Variants in NRG3 observed in about 807,000 individuals in gnomAD.
NRG3 encodes the protein neuregulin 3, also known as pro-neuregulin-3, membrane-bound isoform.
A neutral mutation model predicts 66.9 loss-of-function variants in NRG3; 31 were observed. That is an observed-to-expected ratio of 0.46 (90% CI 0.35 to 0.63). NRG3 has a LOEUF of 0.63. NRG3 is among the 20% of genes least tolerant of loss of function. NRG3 has a pLI of 0.00. For synonymous variants in NRG3, 393 were observed against 359.4 expected, an observed-to-expected ratio of 1.09 and a Z score of -1.06; for missense variants, 910 against 878.9, an observed-to-expected ratio of 1.04 and a Z score of -0.45.
intron 2 of NRG3, among the ~76,000 whole-genome samples, chr10:82,501,160 A>G (rs903768283): frequency 2.0e-5 from 3 of 152,102 alleles, no homozygotes; most frequent in African/African-American, 7.2e-5. Flanking sequence ...TTTGGAAGAG[A>G]TCAGGACATT....
intron 3 of NRG3, among the ~76,000 whole-genome samples, chr10:82,778,015 T>A (rs1037487688): frequency 2.0e-5 from 3 of 151,854 alleles, no homozygotes; most frequent in African/African-American, 7.2e-5. Flanking sequence ...GTAACCCAGC[T>A]CAGCCAAGGC....
At chr10:81,911,483 C>T (rs1416969999) in intron 1 of NRG3, among the ~76,000 whole-genome samples, 1 of 151,930 alleles carries the variant, frequency 6.6e-6, no homozygotes, top group Non-Finnish European at 1.5e-5. Flanking sequence ...GAAATGCCCT[C>T]TCGACAGTGT....
At chr10:82,696,375 C>T (rs1192621894) in intron 2 of NRG3, among the ~76,000 whole-genome samples, 7 of 151,824 alleles carry the variant, frequency 4.6e-5, no homozygotes, top group Non-Finnish European at 1.5e-5. Flanking sequence ...GGCATTCTGA[C>T]CTTGTAGTTT....
At chr10:82,709,008 G>C (rs2134370605) in intron 2 of NRG3, among the ~76,000 whole-genome samples, 1 of 152,144 alleles carries the variant, frequency 6.6e-6, no homozygotes, top group Non-Finnish European at 1.5e-5. Flanking sequence ...ATTCTGGGGA[G>C]GGCAGATCCC....
At chr10:82,509,057 A>G (rs1554947975) in intron 2 of NRG3, among the ~76,000 whole-genome samples, 2 of 152,136 alleles carry the variant, frequency 1.3e-5, no homozygotes, top group Non-Finnish European at 2.9e-5. Context: ...AATTACTATC[A>G]CAGAGTTTTC....
At chr10:82,978,500 A>G (rs1852517471) in intron 7 of NRG3, among the ~76,000 whole-genome samples, 1 of 152,240 alleles carries the variant, frequency 6.6e-6, no homozygotes, top group Admixed American at 6.5e-5. Flanking sequence ...TATCGCTAAT[A>G]AGTGAATTTT....
intron 1 of NRG3, among the ~76,000 whole-genome samples, chr10:81,915,438 A>T (rs546821057): frequency 9.4e-5 from 14 of 148,548 alleles, no homozygotes; most frequent in South Asian, 2.2e-4. Context: ...TTGGGCAATT[A>T]GGACCTTATT....
intron 2 of NRG3, among the ~76,000 whole-genome samples, chr10:82,588,910 G>A (rs2046830846): frequency 6.6e-6 from 1 of 152,196 alleles, no homozygotes; most frequent in Admixed American, 6.5e-5. Flanking sequence ...TTCCCGCAGA[G>A]TTGGCCCAGT....
At chr10:82,066,362 A>T (rs1031350601) in intron 1 of NRG3, among the ~76,000 whole-genome samples, 2 of 151,928 alleles carry the variant, frequency 1.3e-5, no homozygotes, top group African/African-American at 2.4e-5. Flanking sequence ...ATGTGCATAT[A>T]TTTTGTGTAA....
chr10:82,974,636 C>T (rs557512390), intron 7 of NRG3, among the ~76,000 whole-genome samples: 5 of 152,080 alleles, frequency 3.3e-5, no homozygotes, highest in East Asian at 1.9e-4. Flanking sequence ...GGAAGTTGTC[C>T]GAAGACTTAA....
intron 1 of NRG3, among the ~76,000 whole-genome samples, chr10:82,353,216 G>C (rs1416250026): frequency 6.6e-6 from 1 of 152,082 alleles, no homozygotes; most frequent in Non-Finnish European, 1.5e-5. Flanking sequence ...GCTGCTTTTG[G>C]GATGTCCATC....
intron 1 of NRG3, among the ~76,000 whole-genome samples, chr10:82,128,735 T>C (rs2068618966): frequency 8.6e-6 from 1 of 116,220 alleles, no homozygotes; most frequent in Admixed American, 8.2e-5. Context: ...TTTTAAAAGC[T>C]TGTTTAAATT....
chr10:82,633,633 T>C (rs1159849644), intron 2 of NRG3, among the ~76,000 whole-genome samples: 2 of 152,048 alleles, frequency 1.3e-5, no homozygotes, highest in African/African-American at 2.4e-5. Flanking sequence ...GCATCAGGAG[T>C]GTGTCAGCAG....
chr10:82,874,355 T>G (rs1358575616), intron 4 of NRG3, among the ~76,000 whole-genome samples: 1 of 152,050 alleles, frequency 6.6e-6, no homozygotes, highest in African/African-American at 2.4e-5. Flanking sequence ...CATATTTCTG[T>G]TCTAGTTTGT....
intron 1 of NRG3, among the ~76,000 whole-genome samples, chr10:82,010,438 A>C (rs1419415244): frequency 8.5e-5 from 13 of 152,176 alleles, no homozygotes; most frequent in Admixed American, 8.5e-4. Flanking sequence ...CAGATTGTTA[A>C]GACTTTCTTT....
At chr10:82,814,466 G>T (rs77939783) in intron 3 of NRG3, among the ~76,000 whole-genome samples, 1,985 of 152,202 alleles carry the variant, frequency 0.013, 39 homozygotes, top group African/African-American at 0.042. Context: ...GCTTCTCCCC[G>T]AAGACTACCA....
chr10:82,616,527 A>G (rs368984779), intron 2 of NRG3, among the ~76,000 whole-genome samples: 1 of 152,292 alleles, frequency 6.6e-6, no homozygotes, highest in East Asian at 1.9e-4. Context: ...CTGATCTCAC[A>G]CTGAATATTC....
chr10:82,290,889 C>T (rs563840509), intron 1 of NRG3, among the ~76,000 whole-genome samples: 124 of 151,856 alleles, frequency 8.2e-4, no homozygotes, highest in Middle Eastern at 3.4e-3. Flanking sequence ...GTGATCTGCC[C>T]GCCTCGGCCT....
At chr10:82,435,208 CTAGATTT>C (rs2090060685) in intron 2 of NRG3, among the ~76,000 whole-genome samples, 1 of 152,084 alleles carries the variant, frequency 6.6e-6, no homozygotes, top group Non-Finnish European at 1.5e-5. Context: ...TCCATTTCTT[CTAGATTT>C]TCTAGTTTAT....
Sources: gnomAD v4.1 joint callset for allele counts (sites outside exome capture counted in the v4.1 genomes callset) on GRCh38, gnomAD v4.1.1 for gene constraint, MANE v1.5 for transcripts, NCBI Gene and HGNC (gene_info 2026-07-23, HGNC 2026-07-21) for gene names.